The following LZIC variants were observed in gnomAD, a reference collection of about 807,000 sequenced individuals.
The protein encoded by LZIC is leucine zipper and CTNNBIP1 domain containing.
Under a neutral mutation model 25.4 loss-of-function variants are expected in LZIC, and 28 were observed. The ratio of observed to expected loss-of-function variants is 1.10; its 90% confidence interval spans 0.82 to 1.51. The LOEUF (loss-of-function observed/expected upper bound fraction) is 1.51, where lower values mean the gene tolerates loss of function less well. Ranked by LOEUF, LZIC falls within the 40% of genes most tolerant of loss-of-function variation. The probability of loss-of-function intolerance (pLI) is 0.00; values close to 1 mark genes in which losing one functional copy is unlikely to be tolerated. For synonymous variants in LZIC, 65 were observed against 70.7 expected, an observed-to-expected ratio of 0.92 and a Z score of 0.40; for missense variants, 170 against 211.1, an observed-to-expected ratio of 0.81 and a Z score of 1.21.
intron 1 of LZIC, 142 bp downstream of exon 1, chr1:9,943,107 C>T (rs963093370): frequency 1.1e-5 from 2 of 183,098 alleles, no homozygotes; most frequent in African/African-American, 2.3e-5. Flanking sequence ...AGAATCAGCT[C>T]CGGCCACCGC....
At chr1:9,933,283 A>AAAAAATAT (rs1557438404) in intron 5 of LZIC, among the ~76,000 whole-genome samples, 2 of 58,362 alleles carry the variant, frequency 3.4e-5, no homozygotes, top group Admixed American at 3.2e-4. Context: ...AAAAAAAAAA[A>AAAAAATAT]ATATATATAT....
At chr1:9,942,821 C>T in intron 1 of LZIC, 39 bp from the exon 2 acceptor site, 2 of 619,924 alleles carry the variant, frequency 3.2e-6, no homozygotes, top group South Asian at 3.0e-5. Context: ...ATTTTATTTG[C>T]TATATATAAA....
intron 2 of LZIC, 22 bp from the exon 3 acceptor site, chr1:9,936,649 C>T (rs12065908): frequency 0.063 from 92,645 of 1,468,008 alleles, 4,070 homozygotes; most frequent in Admixed American, 0.17. Flanking sequence ...AATAAACCCA[C>T]ATACCATATG....
downstream of LZIC, among the ~76,000 whole-genome samples, chr1:9,926,175 G>T (rs1196987195): frequency 6.6e-6 from 1 of 152,104 alleles, no homozygotes; most frequent in African/African-American, 2.4e-5. Context: ...GTGAGCCACG[G>T]CGCCCTGCCG....
intron 2 of LZIC, among the ~76,000 whole-genome samples, chr1:9,940,478 C>T (rs1640663895): frequency 6.8e-6 from 1 of 146,786 alleles, no homozygotes; most frequent in Non-Finnish European, 1.5e-5. Flanking sequence ...TGCACCCGGC[C>T]TAGTTTTTGT....
At chr1:9,936,489 C>T (rs1360178420) in intron 3 of LZIC, 30 bp downstream of exon 3, 1 of 1,520,082 alleles carries the variant, frequency 6.6e-7, no homozygotes, top group Non-Finnish European at 9.1e-7. Context: ...CGCCAGTTTC[C>T]AGCATAACAA....
chr1:9,941,913 C>CT (rs78222607), intron 2 of LZIC, among the ~76,000 whole-genome samples: 40 of 151,672 alleles, frequency 2.6e-4, no homozygotes, highest in African/African-American at 8.5e-4. Context: ...GCATTCAAAT[C>CT]TTTTTTTTTA....
intron 7 of LZIC, among the ~76,000 whole-genome samples, chr1:9,930,772 T>C (rs1640177704): frequency 6.6e-6 from 1 of 152,150 alleles, no homozygotes; most frequent in African/African-American, 2.4e-5. Context: ...CAGGCTGGAG[T>C]GCAGTGGTGC....
At chr1:9,923,499 C>T (rs569761546), downstream of LZIC, among the ~76,000 whole-genome samples, 10 of 147,958 alleles carry the variant, frequency 6.8e-5, no homozygotes, top group Middle Eastern at 3.5e-3. Flanking sequence ...CATGAGCCAC[C>T]GCACCTGGCC....
intron 2 of LZIC, among the ~76,000 whole-genome samples, chr1:9,940,491 A>AT (rs989162228): frequency 7.6e-6 from 1 of 130,926 alleles, no homozygotes; most frequent in African/African-American, 2.9e-5. Context: ...GTTTTTGTAT[A>AT]TTTTTTTTAG....
At chr1:9,939,939 C>T (rs577364481) in intron 2 of LZIC, among the ~76,000 whole-genome samples, 2 of 151,926 alleles carry the variant, frequency 1.3e-5, no homozygotes, top group African/African-American at 4.8e-5. Flanking sequence ...GCCGACACGG[C>T]GAAACCCCGT....
At chr1:9,939,088 T>C (rs1007949323) in intron 2 of LZIC, among the ~76,000 whole-genome samples, 1 of 150,710 alleles carries the variant, frequency 6.6e-6, no homozygotes, top group Admixed American at 6.6e-5. Context: ...AATCACTTCT[T>C]TTTTTTTTAG....
At position 9,932,116 on chromosome 1, in the gene LZIC, G is replaced by T. The variant is rs1055408362; in HGVS notation, c.433-144C>A. On this transcript the variant is annotated intron_variant, in intron 6 of 7. Coordinates refer to ENST00000377223, the MANE Select transcript of LZIC (RefSeq NM_032368.5). ...TTGGGAGGCGTGGGGGGGGGGGGGG[G>T]GTGGATCACATGAGGTCAGCAGTTT... The T allele has an allele frequency of 5.1e-5, 18 of 354,216 alleles. 2 individuals are homozygous for T. The highest frequency in any genetic ancestry group is 3.8e-4 in the East Asian group (6 of 15,728). The allele number at this position is 354,216 out of a possible 1,614,324, so 21.9% of individuals were successfully genotyped here.
rs72858093 is a variant in LZIC, at chr1:9,931,079, T to C, written c.515-622A>G. Among the ~76,000 whole-genome samples the C allele has an allele frequency of 8.5e-3, 1,292 of 152,004 alleles. 21 individuals are homozygous for C. The highest frequency in any genetic ancestry group is 0.03 in the African/African-American group (1,240 of 41,430). On this transcript the variant is annotated intron_variant, in intron 7 of 7. Transcript: ENST00000377223. ...AAAATAAAGAAAGAAGAAATATTTT[T>C]TGCGGGGAGACAGGTCTTGCTCTGT...
chr1:9,938,910 G>T (rs1051803268), intron 2 of LZIC, among the ~76,000 whole-genome samples: 2 of 151,968 alleles, frequency 1.3e-5, no homozygotes, highest in Non-Finnish European at 2.9e-5. Flanking sequence ...TTGAAGTAGG[G>T]GTCTAACTTT....
Position 9,926,480 on chromosome 1 carries a change from C to G in LZIC, c.*3919G>C, listed in dbSNP as rs1639989616. The stretch of plus-strand genomic sequence containing the variant: ...AGATCTAAAAATCAAAGTTAACAAC[C>G]CATTTGTCCCAACTCTAACTCTTCC... On this transcript the variant is annotated 3_prime_UTR_variant, in exon 8 of 8. Coordinates refer to ENST00000377223, the MANE Select transcript of LZIC (RefSeq NM_032368.5). Among the ~76,000 whole-genome samples, 1 of 152,082 alleles carries G rather than the reference C, an allele frequency of 6.6e-6. No homozygotes were observed. The highest frequency in any genetic ancestry group is 1.9e-4 in the East Asian group (1 of 5,198).
rs1174589154 is a variant in LZIC, at chr1:9,936,505, A to C, written c.101+14T>G. 3 of 1,580,416 alleles carry C rather than the reference A, an allele frequency of 1.9e-6. No homozygotes were observed. Among genetic ancestry groups the C allele is most frequent in the African/African-American group, 2.7e-5 (2 of 74,190 alleles). Reference sequence around the variant, plus strand: ...GCCAGTTTCCAGCATAACAACATACAATTAAACTCTTACCTGCATTCCTCC... The same window carrying C: ...GCCAGTTTCCAGCATAACAACATACCATTAAACTCTTACCTGCATTCCTCC... On this transcript the variant is annotated intron_variant, in intron 3 of 7. Coordinates refer to ENST00000377223, the MANE Select transcript of LZIC (RefSeq NM_032368.5).
chr1:9,934,817 AC>A lies in LZIC; in HGVS notation c.280del (p.Val94SerfsTer17). 6.2e-7 allele frequency: 1 copy of A among 1,614,096 alleles called. No individual in the cohort carries two copies. Among genetic ancestry groups the A allele is most frequent in the Admixed American group, 1.7e-5 (1 of 60,000 alleles). On this transcript the variant is annotated frameshift_variant, in exon 5 of 8. Transcript: ENST00000377223. LOFTEE classifies it high-confidence loss of function. ...AISQAFKTPE[V>X]IRLFAKKQPG... ...TTGTTTCTTTGCAAACAATCTGATGACCTCTGGGGTTTTAAAGGCCTGGCTG... is the reference window on the plus strand; with the variant it reads ...TTGTTTCTTTGCAAACAATCTGATGACTCTGGGGTTTTAAAGGCCTGGCTG...
rs1040742990 is a variant in LZIC at position 9,930,095 on chromosome 1, A to G, written c.*304T>C. On this transcript the variant is annotated 3_prime_UTR_variant, in exon 8 of 8. Transcript: ENST00000377223. ...TCGTTCACTATCAACACTTAAAAAC[A>G]AACAGCCTTAATAAAAATCAAGTCC... is the stretch of plus-strand genomic sequence containing the variant. 2 of 1,115,404 alleles carry G rather than the reference A, an allele frequency of 1.8e-6. No individual in the cohort carries two copies. The highest frequency in any genetic ancestry group is 4.4e-5 in the Admixed American group (1 of 22,654). 69.1% of individuals were successfully genotyped at this position (1,115,404 alleles called of 1,614,324 possible).
Sources: allele counts gnomAD v4.1 joint callset (sites outside exome capture counted in the v4.1 genomes callset), GRCh38; gene constraint gnomAD v4.1.1; transcripts MANE v1.5; gene names NCBI Gene and HGNC (gene_info 2026-07-23, HGNC 2026-07-21).